Variants in IPO5 observed in about 807,000 individuals in gnomAD.
The protein encoded by IPO5 is importin-5.
Under a neutral mutation model 143.3 loss-of-function variants are expected in IPO5, and 18 were observed. That is an observed-to-expected ratio of 0.13 (90% CI 0.09 to 0.19). The LOEUF (loss-of-function observed/expected upper bound fraction) is 0.19, where lower values mean the gene tolerates loss of function less well. IPO5 is among the 10% of genes least tolerant of loss of function. IPO5 has a pLI of 1.00. For synonymous variants in IPO5, 477 were observed against 465.7 expected (o/e 1.02, Z -0.31); for missense variants, 1,013 against 1,336.9 (o/e 0.76, Z 3.78).
chr13:97,990,112 G>C lies in IPO5; in HGVS notation c.468-14G>C, dbSNP rs1887689284. The C allele has an allele frequency of 6.8e-7, 1 of 1,474,400 alleles. No individual in the cohort carries two copies. 91.3% of individuals were successfully genotyped at this position (1,474,400 alleles called of 1,614,324 possible). A position where few individuals can be genotyped will look rare whatever the true frequency, so the allele number is the denominator to read the frequency against. ...ATAATGTAGTTTTTAAAGAATGTTT[G>C]GATTATCTTTTAGGAACTTTCCTGG... On this transcript the variant is annotated splice_polypyrimidine_tract_variant and intron_variant, in intron 7 of 28. Transcript: ENST00000651721.
chr13:98,014,838 C>CTT (rs780865647), intron 22 of IPO5, among the ~76,000 whole-genome samples: 5 of 122,174 alleles, frequency 4.1e-5, no homozygotes, highest in African/African-American at 2.2e-4. Flanking sequence ...CAATTCTTCT[C>CTT]TTTTTTTTTT....
chr13:97,979,795 G>A, intron 4 of IPO5: 1 of 432,158 alleles, frequency 2.3e-6, no homozygotes, highest in South Asian at 1.7e-5. Context: ...CAAAGTGTTG[G>A]AATTACAGGC....
chr13:97,986,841 A>T (rs1290139390), intron 6 of IPO5: 2 of 152,098 alleles, frequency 1.3e-5, no homozygotes, highest in Non-Finnish European at 2.9e-5. Flanking sequence ...AGTGCCTGGG[A>T]GAGGGCTCCA....
At chr13:97,981,130 TGGCACAG>T in intron 4 of IPO5, 2 of 367,702 alleles carry the variant, frequency 5.4e-6, no homozygotes, top group Admixed American at 3.8e-5. Flanking sequence ...GAATACTTTT[TGGCACAG>T]TTTTCAGCAT....
intron 11 of IPO5, among the ~76,000 whole-genome samples, chr13:97,995,179 G>T (rs1310012726): frequency 6.9e-4 from 91 of 131,722 alleles, no homozygotes; most frequent in African/African-American, 2.4e-3. Flanking sequence ...TTCTTTCTTT[G>T]TTTTTTTTTT....
intron 2 of IPO5, among the ~76,000 whole-genome samples, chr13:97,961,389 T>C (rs796711143): frequency 1.4e-4 from 21 of 152,306 alleles, no homozygotes; most frequent in African/African-American, 4.3e-4. Flanking sequence ...TGGAGTGCAA[T>C]GGCACGATCT....
At chr13:98,018,783 C>T (rs1890285820) in intron 26 of IPO5, 79 bp downstream of exon 26, 1 of 1,018,990 alleles carries the variant, frequency 9.8e-7, no homozygotes, top group South Asian at 1.5e-5. Context: ...TACCACACTC[C>T]CAAACATTAT....
chr13:98,021,870 A>C lies in IPO5; in HGVS notation c.*48A>C. 1 of 1,290,472 alleles carries C rather than the reference A, an allele frequency of 7.7e-7. No homozygotes were observed. The highest frequency in any genetic ancestry group is 1.1e-6 in the Non-Finnish European group (1 of 899,698). The allele number at this position is 1,290,472 out of a possible 1,614,324, so 79.9% of individuals were successfully genotyped here. On this transcript the variant is annotated 3_prime_UTR_variant, in exon 29 of 29. Coordinates refer to ENST00000651721, the MANE Select transcript of IPO5 (RefSeq NM_002271.6). ...GAAAACTAACTCCAAATAAACGCTT[A>C]CCCTTTCCTTTAGGTTTCTTTGTTT...
Position 98,022,446 on chromosome 13 carries a change from C to T in IPO5, c.*624C>T, listed in dbSNP as rs1890554101. On this transcript the variant is annotated 3_prime_UTR_variant, in exon 29 of 29. Transcript: ENST00000651721. Reference sequence around the variant, plus strand: ...TGTCATTGGCATGTCTGGCAGTAGTCTCTCATTCACTCCTCAATAAACAAC... The same window carrying T: ...TGTCATTGGCATGTCTGGCAGTAGTTTCTCATTCACTCCTCAATAAACAAC... 1 of 152,616 alleles carries T rather than the reference C, an allele frequency of 6.6e-6. No homozygotes were observed. Among genetic ancestry groups the T allele is most frequent in the Non-Finnish European group, 1.5e-5 (1 of 68,032 alleles). The allele number at this position is 152,616 out of a possible 1,614,324, so 9.5% of individuals were successfully genotyped here.
chr13:97,980,332 C>G (rs1015509178), intron 4 of IPO5, among the ~76,000 whole-genome samples: 1 of 152,196 alleles, frequency 6.6e-6, no homozygotes, highest in Non-Finnish European at 1.5e-5. Context: ...CCTCTCTCAA[C>G]AGACATCATC....
In IPO5 at chr13:98,020,951, T is replaced by G. The variant is rs201556633; in HGVS notation, c.3066-41T>G. The G allele has an allele frequency of 3.9e-6, 6 of 1,537,440 alleles. No homozygotes were observed. In the Admixed American group the frequency reaches 9.1e-5, roughly 23 times the overall value. On this transcript the variant is annotated intron_variant, in intron 27 of 28. Transcript: ENST00000651721. ...AGTGAACACATAATCATATTTCTCC[T>G]TATAAATTTCACTTACTAAGGTTTT...
At position 97,990,193 on chromosome 13, in the gene IPO5, C is replaced by G; in HGVS notation, c.535C>G (p.Gln179Glu). The G allele has an allele frequency of 6.2e-7, 1 of 1,611,680 alleles. No homozygotes were observed. Among genetic ancestry groups the G allele is most frequent in the Non-Finnish European group, 8.5e-7 (1 of 1,177,994 alleles). ...AGATGTCATCAAACGAATGTTAGTT[C>G]AGTGTATGCAAGATCAGGAACACCC... ...YLDVIKRMLV[Q>E]CMQDQEHPSI... Residue 179 changes from glutamine to glutamate, a missense_variant, in exon 8 of 29, where the codon CAG becomes GAG. By Grantham distance (29) the Gln-to-Glu change is conservative. Around this residue, in one of 2 missense-constraint regions of IPO5, gnomAD observed 328 missense variants for 342.0 expected, o/e 0.96. Coordinates refer to ENST00000651721, the MANE Select transcript of IPO5 (RefSeq NM_002271.6).
At position 98,006,671 on chromosome 13, in the gene IPO5, G is replaced by A. The variant is rs1889283981; in HGVS notation, c.1716+323G>A. ...TTACAGGCGTGAGCCACTGTGCCCG[G>A]CCTGTAATTTCTATTATGTTAAATT... On this transcript the variant is annotated intron_variant, in intron 17 of 28. Coordinates refer to ENST00000651721, the MANE Select transcript of IPO5 (RefSeq NM_002271.6). Among the ~76,000 whole-genome samples, 7 of 151,928 alleles carry A rather than the reference G, an allele frequency of 4.6e-5. No homozygotes were observed. The South Asian group carries it at 1.2e-3, about 27-fold the overall frequency.
intron 12 of IPO5, among the ~76,000 whole-genome samples, chr13:97,997,913 A>G (rs1318021693): frequency 6.6e-6 from 1 of 152,210 alleles, no homozygotes; most frequent in Non-Finnish European, 1.5e-5. Context: ...CTACAACAAC[A>G]AACAAGGAAG....
At chr13:97,963,830 C>G (rs759777049) in intron 2 of IPO5, among the ~76,000 whole-genome samples, 1 of 152,098 alleles carries the variant, frequency 6.6e-6, no homozygotes, top group Non-Finnish European at 1.5e-5. Context: ...AAAAGCATTC[C>G]TATTTCTCCA....
rs78079018 is a variant in IPO5 at position 98,021,899 on chromosome 13, T to C, written c.*77T>C. On this transcript the variant is annotated 3_prime_UTR_variant, in exon 29 of 29. Coordinates refer to ENST00000651721, the MANE Select transcript of IPO5 (RefSeq NM_002271.6). The stretch of plus-strand genomic sequence containing the variant: ...TTTCCTTTAGGTTTCTTTGTTTTGT[T>C]TTTGAGCAAAAGAGATCGGTAGTGT... The C allele has an allele frequency of 0.011, 11,965 of 1,075,738 alleles. 71 individuals carry two copies. Among genetic ancestry groups the C allele is most frequent in the Middle Eastern group, 0.025 (122 of 4,844 alleles). 66.6% of individuals were successfully genotyped at this position (1,075,738 alleles called of 1,614,324 possible). A position where few individuals can be genotyped will look rare whatever the true frequency, so the allele number is the denominator to read the frequency against.
chr13:98,021,873 C>T lies in IPO5; in HGVS notation c.*51C>T. The T allele has an allele frequency of 7.8e-7, 1 of 1,281,728 alleles. No homozygotes were observed. The highest frequency in any genetic ancestry group is 1.1e-6 in the Non-Finnish European group (1 of 892,548). The allele number at this position is 1,281,728 out of a possible 1,614,324, so 79.4% of individuals were successfully genotyped here. On this transcript the variant is annotated 3_prime_UTR_variant, in exon 29 of 29. Coordinates refer to ENST00000651721, the MANE Select transcript of IPO5 (RefSeq NM_002271.6). ...AACTAACTCCAAATAAACGCTTACCCTTTCCTTTAGGTTTCTTTGTTTTGT... is the reference window on the plus strand; with the variant it reads ...AACTAACTCCAAATAAACGCTTACCTTTTCCTTTAGGTTTCTTTGTTTTGT...
intron 2 of IPO5, chr13:97,960,084 A>G (rs1007690235): frequency 6.6e-6 from 1 of 152,260 alleles, no homozygotes; most frequent in Non-Finnish European, 1.5e-5. Context: ...ATGAACCATT[A>G]TAAGGTCCCT....
intron 3 of IPO5, chr13:97,975,870 G>C (rs1217126452): frequency 2.0e-6 from 2 of 979,906 alleles, no homozygotes; most frequent in Admixed American, 1.2e-4. Flanking sequence ...CCCGGGCTGA[G>C]TAACCCCTCT....
Sources: gnomAD v4.1 joint callset for allele counts (sites outside exome capture counted in the v4.1 genomes callset) on GRCh38, gnomAD v4.1.1 for gene constraint, gnomAD v4.1.1 regional missense constraint, MANE v1.5 for transcripts, NCBI Gene and HGNC (gene_info 2026-07-23, HGNC 2026-07-21) for gene names.